The following RPS6KA2 variants were observed in gnomAD, a reference collection of about 807,000 sequenced individuals.
RPS6KA2 encodes the protein ribosomal protein S6 kinase A2, also known as ribosomal protein S6 kinase alpha-2.
A neutral mutation model predicts 91.8 loss-of-function variants in RPS6KA2; 42 were observed. That is an observed-to-expected ratio of 0.46 (90% CI 0.36 to 0.59). The LOEUF is 0.59. Among genes scored for constraint, RPS6KA2 ranks in the 20% least tolerant of loss-of-function variants. The pLI, the probability that RPS6KA2 is intolerant of heterozygous loss-of-function variation, is 0.00. For missense variants in RPS6KA2, 798 were observed against 978.5 expected (o/e 0.82, Z 2.46); for synonymous variants, 414 against 393.6 (o/e 1.05, Z -0.61).
At chr6:166,570,263 G>A (rs533019424) in intron 1 of RPS6KA2, among the ~76,000 whole-genome samples, 3 of 152,252 alleles carry the variant, frequency 2.0e-5, no homozygotes, top group East Asian at 1.9e-4. Flanking sequence ...GCAGCACCCC[G>A]GTATGGAGAA....
chr6:166,685,938 T>C (rs1788997903), intron 2 of RPS6KA2, among the ~76,000 whole-genome samples: 1 of 152,132 alleles, frequency 6.6e-6, no homozygotes, highest in African/African-American at 2.4e-5. Flanking sequence ...GATGGGCCCA[T>C]GCCCTAGGAG....
At chr6:166,857,766 A>T (rs1780943968) in intron 2 of RPS6KA2, among the ~76,000 whole-genome samples, 1 of 152,180 alleles carries the variant, frequency 6.6e-6, no homozygotes, top group African/African-American at 2.4e-5. Flanking sequence ...CACGGATGGA[A>T]TCCGCTCTTC....
chr6:166,675,633 A>T (rs1475929642), intron 2 of RPS6KA2, among the ~76,000 whole-genome samples: 1 of 151,730 alleles, frequency 6.6e-6, no homozygotes, highest in Non-Finnish European at 1.5e-5. Context: ...TAAGGAACTC[A>T]CCAATAGGAA....
chr6:166,449,837 C>CGGGGACCACCAT (rs1779804944), intron 13 of RPS6KA2, among the ~76,000 whole-genome samples: 1 of 89,058 alleles, frequency 1.1e-5, no homozygotes, highest in Admixed American at 1.2e-4. Context: ...GGGACCACCA[C>CGGGGACCACCAT]GGGACAACCA....
chr6:166,683,789 C>T (rs76664232), intron 2 of RPS6KA2, among the ~76,000 whole-genome samples: 2,483 of 152,316 alleles, frequency 0.016, 63 homozygotes, highest in African/African-American at 0.054. Context: ...GAATCTCGTC[C>T]GACCACATGG....
chr6:166,701,018 G>A (rs150939347), intron 2 of RPS6KA2: 1 of 1,129,370 alleles, frequency 8.9e-7, no homozygotes, highest in Non-Finnish European at 1.3e-6. Flanking sequence ...TGGATAGGGG[G>A]TCAGCGCCTG....
intron 2 of RPS6KA2, among the ~76,000 whole-genome samples, chr6:166,844,458 A>G (rs954578063): frequency 2.6e-5 from 4 of 152,216 alleles, no homozygotes; most frequent in Non-Finnish European, 5.9e-5. Context: ...CATTGCCTAG[A>G]CACATAGTCA....
At chr6:166,667,636 G>A (rs954266391) in intron 2 of RPS6KA2, among the ~76,000 whole-genome samples, 1 of 152,176 alleles carries the variant, frequency 6.6e-6, no homozygotes, top group African/African-American at 2.4e-5. Context: ...GACCACTTGG[G>A]TGGGTCTAAG....
upstream of RPS6KA2, chr6:166,627,730 C>G (rs911726496): frequency 3.3e-5 from 5 of 152,310 alleles, no homozygotes; most frequent in African/African-American, 1.2e-4. Flanking sequence ...CACGCAACTT[C>G]GGCCCGGCTG....
At chr6:166,764,301 C>A (rs497276) in intron 2 of RPS6KA2, among the ~76,000 whole-genome samples, 8,013 of 152,028 alleles carry the variant, frequency 0.053, 680 homozygotes, top group African/African-American at 0.18. Flanking sequence ...CACCAGGGGG[C>A]GCGTGAAAAG....
chr6:166,559,270 A>G (rs370525467), intron 1 of RPS6KA2, among the ~76,000 whole-genome samples: 2 of 152,230 alleles, frequency 1.3e-5, no homozygotes, highest in African/African-American at 4.8e-5. Context: ...CAGTAGAGGA[A>G]AAGAGTTCTG....
chr6:166,545,138 C>T (rs2128497857), intron 1 of RPS6KA2, among the ~76,000 whole-genome samples: 1 of 152,290 alleles, frequency 6.6e-6, no homozygotes, highest in East Asian at 1.9e-4. Flanking sequence ...TGATAGAGGG[C>T]TGCTCAGCGA....
chr6:166,578,954 C>G (rs986119466), intron 1 of RPS6KA2, among the ~76,000 whole-genome samples: 10 of 152,196 alleles, frequency 6.6e-5, no homozygotes, highest in African/African-American at 2.4e-4. Flanking sequence ...CAACTGCACT[C>G]AGAGAGACCA....
intron 8 of RPS6KA2, among the ~76,000 whole-genome samples, chr6:166,492,242 G>C (rs1049920051): frequency 1.3e-5 from 2 of 152,144 alleles, no homozygotes; most frequent in African/African-American, 2.4e-5. Context: ...CCGGTGCACA[G>C]AGTAAGTGAG....
rs562869543 is a variant in RPS6KA2, at chr6:166,648,119, C to T, written c.124-109335G>A. On this transcript the variant is annotated intron_variant, in intron 2 of 21. Coordinates refer to the RPS6KA2 transcript ENST00000503859. This position sits in a 1 kb window ranked among gnomAD's most constrained non-coding sequence, Gnocchi z 4.8. ...GCTCATACACACACGTGCACACACA[C>T]GCTCATACACATACATGCACACACG... Among the ~76,000 whole-genome samples, 107 of 151,264 alleles carry T rather than the reference C, an allele frequency of 7.1e-4. No individual in the cohort carries two copies. Among genetic ancestry groups the T allele is most frequent in the African/African-American group, 2.5e-3 (103 of 41,162 alleles).
At chr6:166,660,328 A>ATG (rs1178158518) in intron 2 of RPS6KA2, among the ~76,000 whole-genome samples, 1 of 147,072 alleles carries the variant, frequency 6.8e-6, no homozygotes, top group Non-Finnish European at 1.5e-5. Context: ...GTGTGTGTGC[A>ATG]TGTGTGTGTG....
intron 2 of RPS6KA2, chr6:166,701,462 C>T (rs1216982676): frequency 3.5e-6 from 4 of 1,152,132 alleles, no homozygotes; most frequent in East Asian, 2.3e-5. Flanking sequence ...GGTGATCCAG[C>T]GATCATCACC....
intron 2 of RPS6KA2, among the ~76,000 whole-genome samples, chr6:166,532,696 T>C (rs1783326637): frequency 6.6e-6 from 1 of 152,168 alleles, no homozygotes; most frequent in African/African-American, 2.4e-5. Flanking sequence ...TGTGATGAAA[T>C]GCTGCCTCTC....
chr6:166,712,898 C>T (rs79442360), intron 2 of RPS6KA2, among the ~76,000 whole-genome samples: 1,615 of 152,334 alleles, frequency 0.011, 27 homozygotes, highest in African/African-American at 0.036. Flanking sequence ...ACTGCCTGTG[C>T]CTCATGTCTC....
Sources: allele counts gnomAD v4.1 joint callset (sites outside exome capture counted in the v4.1 genomes callset), GRCh38; gene constraint gnomAD v4.1.1; non-coding constraint Gnocchi (gnomAD v3.1); transcripts MANE v1.5; gene names NCBI Gene and HGNC (gene_info 2026-07-23, HGNC 2026-07-21).